AHR: variants seen among roughly 807,000 people sequenced by gnomAD.
The protein encoded by AHR is AH-receptor.
Under a neutral mutation model 86.8 loss-of-function variants are expected in AHR, and 40 were observed. That is an observed-to-expected ratio of 0.46 (90% CI 0.36 to 0.60). AHR has a LOEUF of 0.60. AHR is among the 20% of genes least tolerant of loss of function. The probability of loss-of-function intolerance (pLI) is 0.00; values close to 1 mark genes in which losing one functional copy is unlikely to be tolerated. For missense variants in AHR, 1,001 were observed against 1,011.6 expected, an observed-to-expected ratio of 0.99 and a Z score of 0.14; for synonymous variants, 398 against 354.9, an observed-to-expected ratio of 1.12 and a Z score of -1.37.
chr7:17,336,316 C>T (rs1485713541), intron 9 of AHR, among the ~76,000 whole-genome samples: 4 of 151,890 alleles, frequency 2.6e-5, no homozygotes, highest in Non-Finnish European at 5.9e-5. Context: ...CATTGTTTCC[C>T]GGCTGCGCTG....
rs1207636317 is a variant in AHR at position 17,346,099 on chromosome 7, C to T, written c.*3035C>T. On this transcript the variant is annotated 3_prime_UTR_variant, in exon 11 of 11. Coordinates refer to ENST00000242057, the MANE Select transcript of AHR (RefSeq NM_001621.5). ...CTTAAAGTATGATTTATAATATCCTCATTATCAAAGTTGTATACAATAATA... is the reference window on the plus strand; with the variant it reads ...CTTAAAGTATGATTTATAATATCCTTATTATCAAAGTTGTATACAATAATA... The T allele has an allele frequency of 6.6e-6, 1 of 152,394 alleles. No homozygotes were observed. Among genetic ancestry groups the T allele is most frequent in the Non-Finnish European group, 1.5e-5 (1 of 67,972 alleles). The allele number at this position is 152,394 out of a possible 1,614,324, so 9.4% of individuals were successfully genotyped here. A position where few individuals can be genotyped will look rare whatever the true frequency, so the allele number is the denominator to read the frequency against.
intron 10 of AHR, among the ~76,000 whole-genome samples, chr7:17,342,140 G>A (rs1384228028): frequency 1.3e-5 from 2 of 152,086 alleles, no homozygotes; most frequent in African/African-American, 4.8e-5. Flanking sequence ...AGCAATTAAG[G>A]ATATGATTTT....
intron 4 of AHR, among the ~76,000 whole-genome samples, chr7:17,328,175 C>T (rs1317553623): frequency 6.6e-6 from 1 of 151,852 alleles, no homozygotes; most frequent in African/African-American, 2.4e-5. Context: ...GGATATATGA[C>T]AACTATGAAA....
chr7:17,325,695 G>GA (rs1782221457), intron 3 of AHR, among the ~76,000 whole-genome samples: 1 of 152,130 alleles, frequency 6.6e-6, no homozygotes, highest in African/African-American at 2.4e-5. Context: ...CACAGGAACA[G>GA]AAAAACCAAA....
chr7:17,305,521 A>G (rs1420959525), intron 1 of AHR, among the ~76,000 whole-genome samples: 2 of 152,102 alleles, frequency 1.3e-5, no homozygotes, highest in East Asian at 3.8e-4. Context: ...CTCCAGGGGA[A>G]TGTTGAATGG....
Position 17,333,123 on chromosome 7 carries a change from C to G in AHR, c.706-789C>G, listed in dbSNP as rs1422632325. ...TTAGATGCGTAGTAAGCTATACCAT[C>G]TAGGTTTGTGAACCTACCCTCTGAT... On this transcript the variant is annotated intron_variant, in intron 6 of 10. Coordinates refer to ENST00000242057, the MANE Select transcript of AHR (RefSeq NM_001621.5). Among the ~76,000 whole-genome samples, 9 of 152,042 alleles carry G rather than the reference C, an allele frequency of 5.9e-5. No homozygotes were observed. In the South Asian group the frequency reaches 1.0e-3, roughly 18 times the overall value.
rs544096567 is a variant in AHR at position 17,313,387 on chromosome 7, A to G, written c.253+3264A>G. On this transcript the variant is annotated intron_variant, in intron 2 of 10. Coordinates refer to ENST00000242057, the MANE Select transcript of AHR (RefSeq NM_001621.5). Reference sequence around the variant, plus strand: ...TCAAAGTGAATAACAGGATGCAAACAGGGGGTGTGTAAATTCCTGCGGAAA... The same window carrying G: ...TCAAAGTGAATAACAGGATGCAAACGGGGGGTGTGTAAATTCCTGCGGAAA... Among the ~76,000 whole-genome samples, 11 of 152,206 alleles carry G rather than the reference A, an allele frequency of 7.2e-5. No individual in the cohort carries two copies. In the East Asian group the frequency reaches 2.1e-3, roughly 29 times the overall value.
rs918833378 is a variant in AHR, at chr7:17,340,118, T to G, written c.2293T>G (p.Tyr765Asp). The G allele has an allele frequency of 4.3e-6, 7 of 1,614,224 alleles. No individual in the cohort carries two copies. Among genetic ancestry groups the G allele is most frequent in the Non-Finnish European group, 5.9e-6 (7 of 1,180,038 alleles). ...QSAIITPQTC[Y>D]AGAVSMYQCQ... ...AGCCATAATAACTCCTCAGACATGTTATGCTGGGGCCGTGTCGATGTATCA... is the reference window on the plus strand; with the variant it reads ...AGCCATAATAACTCCTCAGACATGTGATGCTGGGGCCGTGTCGATGTATCA... Residue 765 changes from tyrosine to aspartate, a missense_variant, in exon 10 of 11, where the codon TAT (tyrosine) becomes GAT (aspartate). Transcript: ENST00000242057.
intron 1 of AHR, among the ~76,000 whole-genome samples, chr7:17,306,422 A>T (rs1041417246): frequency 6.6e-6 from 1 of 152,182 alleles, no homozygotes; most frequent in African/African-American, 2.4e-5. Context: ...CAAATCCAGT[A>T]CATCTGAATT....
At chr7:17,317,121 T>TTTG (rs1562476832) in intron 2 of AHR, among the ~76,000 whole-genome samples, 1 of 149,828 alleles carries the variant, frequency 6.7e-6, no homozygotes, top group Non-Finnish European at 1.5e-5. Flanking sequence ...ATTTTGTTTT[T>TTTG]TTTTTTTTTT....
At chr7:17,336,804 G>C (rs530300796) in intron 9 of AHR, among the ~76,000 whole-genome samples, 38 of 152,066 alleles carry the variant, frequency 2.5e-4, no homozygotes, top group African/African-American at 7.7e-4. Context: ...TTTCTAGAAG[G>C]CACTTTTTTT....
chr7:17,326,367 A>G (rs1782230213), intron 3 of AHR, among the ~76,000 whole-genome samples: 1 of 152,202 alleles, frequency 6.6e-6, no homozygotes, highest in Non-Finnish European at 1.5e-5. Flanking sequence ...GATAATGAAG[A>G]TATCGACTGG....
intron 2 of AHR, among the ~76,000 whole-genome samples, chr7:17,313,134 T>C (rs902964060): frequency 1.3e-5 from 2 of 152,160 alleles, no homozygotes; most frequent in African/African-American, 2.4e-5. Context: ...TAATAAGGTT[T>C]TTTTTTTAAT....
chr7:17,320,866 C>T (rs1456687766), intron 2 of AHR, among the ~76,000 whole-genome samples: 2 of 152,048 alleles, frequency 1.3e-5, no homozygotes, highest in African/African-American at 4.8e-5. Flanking sequence ...ATTCAGAGAC[C>T]GTGCTTTTGG....
At position 17,329,935 on chromosome 7, in the gene AHR, G is replaced by A. The variant is rs764987578; in HGVS notation, c.451-17G>A. On this transcript the variant is annotated splice_polypyrimidine_tract_variant and intron_variant, in intron 4 of 10. Coordinates refer to ENST00000242057, the MANE Select transcript of AHR (RefSeq NM_001621.5). ...AATCAGTCCTTTTGTTGTATTCCTT[G>A]TATCTTTTTTCTTTAGTCTGATGTC... The A allele has an allele frequency of 1.9e-6, 3 of 1,594,030 alleles. No individual in the cohort carries two copies. Among genetic ancestry groups the A allele is most frequent in the East Asian group, 4.5e-5 (2 of 44,618 alleles).
chr7:17,334,838 A>T lies in AHR; in HGVS notation c.909-49A>T, dbSNP rs199987821. 2.3e-6 allele frequency: 3 copies of T among 1,305,618 alleles called. No individual in the cohort carries two copies. In the Admixed American group the frequency reaches 6.0e-5, roughly 26 times the overall value. The allele number at this position is 1,305,618 out of a possible 1,614,324, so 80.9% of individuals were successfully genotyped here. ...TGAATTTATCTTGGTTATTTCATTT[A>T]TGTTAAATCTTAATCCATTCTTATT... is the stretch of plus-strand genomic sequence containing the variant. On this transcript the variant is annotated intron_variant, in intron 7 of 10. Transcript: ENST00000242057.
chr7:17,332,795 G>A (rs1279291599), intron 6 of AHR, among the ~76,000 whole-genome samples: 1 of 151,764 alleles, frequency 6.6e-6, no homozygotes, highest in Admixed American at 6.6e-5. Context: ...ATTCAGCGTA[G>A]CCTAAGTGTA....
chr7:17,316,113 T>G (rs1252303870), intron 2 of AHR, among the ~76,000 whole-genome samples: 1 of 152,176 alleles, frequency 6.6e-6, no homozygotes, highest in Non-Finnish European at 1.5e-5. Flanking sequence ...TCATTTGATG[T>G]GTTCTTAAAT....
At chr7:17,332,955 C>T (rs1333268101) in intron 6 of AHR, among the ~76,000 whole-genome samples, 3 of 151,730 alleles carry the variant, frequency 2.0e-5, no homozygotes, top group Non-Finnish European at 4.4e-5. Flanking sequence ...CATTTTTTGT[C>T]TTTTATACTG....
Sources: allele counts gnomAD v4.1 joint callset (sites outside exome capture counted in the v4.1 genomes callset), GRCh38; gene constraint gnomAD v4.1.1; transcripts MANE v1.5; gene names NCBI Gene and HGNC (gene_info 2026-07-23, HGNC 2026-07-21).